FCHSD2: variants seen among roughly 807,000 people sequenced by gnomAD.
The protein encoded by FCHSD2 is FCH and double SH3 domains 2.
In FCHSD2, 38 loss-of-function variants were observed where a neutral mutation model predicts 108.1. That is an observed-to-expected ratio of 0.35 (90% CI 0.27 to 0.46). The LOEUF is 0.46. FCHSD2 is among the 20% of genes least tolerant of loss of function. The pLI, the probability that FCHSD2 is intolerant of heterozygous loss-of-function variation, is 1.00. For synonymous variants in FCHSD2, 279 were observed against 314.7 expected (o/e 0.89, Z 1.20); for missense variants, 751 against 897.8 (o/e 0.84, Z 2.09).
chr11:72,987,108 C>T (rs1171985011), intron 6 of FCHSD2, among the ~76,000 whole-genome samples: 4 of 152,168 alleles, frequency 2.6e-5, no homozygotes, highest in Admixed American at 2.6e-4. Flanking sequence ...AATTCATCAT[C>T]TCCTTCAAAT....
chr11:72,878,969 T>A (rs1855025092), intron 12 of FCHSD2, among the ~76,000 whole-genome samples: 1 of 151,660 alleles, frequency 6.6e-6, no homozygotes, highest in South Asian at 2.1e-4. Flanking sequence ...AATTAGCTGG[T>A]TTTGGTGGCG....
At chr11:72,842,520 T>G in intron 17 of FCHSD2, 101 bp downstream of exon 17, 1 of 1,423,292 alleles carries the variant, frequency 7.0e-7, no homozygotes, top group Non-Finnish European at 9.6e-7. Context: ...CCGGTGAGGG[T>G]AAGGCAGAGA....
At chr11:73,070,037 T>C (rs965305527) in intron 3 of FCHSD2, among the ~76,000 whole-genome samples, 8 of 152,026 alleles carry the variant, frequency 5.3e-5, no homozygotes, top group Non-Finnish European at 1.0e-4. Flanking sequence ...GTGGCGAAAG[T>C]AAAAAGGGAA....
intron 3 of FCHSD2, among the ~76,000 whole-genome samples, chr11:73,059,378 G>A (rs975625384): frequency 6.6e-6 from 1 of 151,922 alleles, no homozygotes; most frequent in African/African-American, 2.4e-5. Context: ...AGGTTTTCTA[G>A]GATTAAGAAG....
Position 73,047,098 on chromosome 11 carries a change from C to T in FCHSD2, c.166-31213G>A, listed in dbSNP as rs148554472. ...CAGAATAAATGTGAATATAATTCTA[C>T]TTTTTTATAAAGGAAAAACTACATA... On this transcript the variant is annotated intron_variant, in intron 3 of 19. Coordinates refer to ENST00000409418, the MANE Select transcript of FCHSD2 (RefSeq NM_014824.3). Among the ~76,000 whole-genome samples, 56 of 151,306 alleles carry T rather than the reference C, an allele frequency of 3.7e-4. No homozygotes were observed. In the East Asian group the frequency reaches 7.0e-3, roughly 19 times the overall value.
At chr11:73,050,286 C>T (rs1412829606) in intron 3 of FCHSD2, among the ~76,000 whole-genome samples, 1 of 152,154 alleles carries the variant, frequency 6.6e-6, no homozygotes, top group Non-Finnish European at 1.5e-5. Flanking sequence ...ACCATATGAC[C>T]TTCACACCAC....
rs541107949 is a variant in FCHSD2, at chr11:72,850,446, G to A, written c.1309-557C>T. Among the ~76,000 whole-genome samples the A allele has an allele frequency of 8.6e-5, 13 of 151,280 alleles. No individual in the cohort carries two copies. In the South Asian group the frequency reaches 2.1e-3, roughly 24 times the overall value. On this transcript the variant is annotated intron_variant, in intron 13 of 19. Transcript: ENST00000409418. Reference sequence around the variant, plus strand: ...GGCTTGAGTGTAGTGGCGTGATCTCGGCTCACTGCAAGCTCTGCCTCCTCA... The same window carrying A: ...GGCTTGAGTGTAGTGGCGTGATCTCAGCTCACTGCAAGCTCTGCCTCCTCA...
intron 3 of FCHSD2, among the ~76,000 whole-genome samples, chr11:73,038,760 T>C (rs1858560146): frequency 6.6e-6 from 1 of 152,180 alleles, no homozygotes; most frequent in Non-Finnish European, 1.5e-5. Flanking sequence ...ACCTGGGTGA[T>C]AGATTCATTC....
intron 2 of FCHSD2, 85 bp downstream of exon 2, chr11:73,139,946 C>A: frequency 2.9e-6 from 2 of 689,634 alleles, no homozygotes; most frequent in Non-Finnish European, 4.7e-6. Context: ...AAGGAAATTC[C>A]ATCATCAGTT....
intron 4 of FCHSD2, among the ~76,000 whole-genome samples, chr11:73,007,970 A>G (rs1176399166): frequency 6.6e-6 from 1 of 152,212 alleles, no homozygotes; most frequent in Non-Finnish European, 1.5e-5. Flanking sequence ...TGTTTAAGAT[A>G]TAACAAACAA....
intron 3 of FCHSD2, among the ~76,000 whole-genome samples, chr11:73,033,678 A>C (rs979004496): frequency 6.6e-6 from 1 of 152,226 alleles, no homozygotes; most frequent in African/African-American, 2.4e-5. Context: ...ATTCTATACA[A>C]ATTTATATAA....
At chr11:72,844,202 C>G (rs7127601) in intron 14 of FCHSD2, among the ~76,000 whole-genome samples, 151,967 of 152,278 alleles carry the variant, frequency 1, 75,829 homozygotes, top group Non-Finnish European at 1. Context: ...CAAAGGCAAA[C>G]GAGAAGGCAC....
At chr11:72,997,889 C>T (rs1305447280) in intron 5 of FCHSD2, among the ~76,000 whole-genome samples, 3 of 152,062 alleles carry the variant, frequency 2.0e-5, no homozygotes, top group African/African-American at 7.2e-5. Context: ...TTTGTAGAGA[C>T]GGGATTTCAC....
In FCHSD2 at chr11:72,840,967, A is replaced by G. The variant is rs2135149400; in HGVS notation, c.2057-8T>C. ...CAGCATGAAGGCTTTTTTCTAAGGG[A>G]GAAAACCAAAGAAGCTCATTTTACT... On this transcript the variant is annotated splice_region_variant and splice_polypyrimidine_tract_variant and intron_variant, in intron 18 of 19. Transcript: ENST00000409418. The G allele has an allele frequency of 1.2e-6, 2 of 1,601,668 alleles. No homozygotes were observed. Among genetic ancestry groups the G allele is most frequent in the East Asian group, 4.5e-5 (2 of 44,770 alleles).
At position 73,135,044 on chromosome 11, in the gene FCHSD2, G is replaced by A. The variant is rs768727616; in HGVS notation, c.119+4987C>T. Among the ~76,000 whole-genome samples, 13 of 152,316 alleles carry A rather than the reference G, an allele frequency of 8.5e-5. No homozygotes were observed. The East Asian group carries it at 9.6e-4, about 11-fold the overall frequency. On this transcript the variant is annotated intron_variant, in intron 2 of 19. Transcript: ENST00000409418. ...AATTTTTGTATTTTTAGTAGAGACA[G>A]GGTTTCACCATGTTGGCCAGGCTGG...
At chr11:72,999,629 A>G (rs1245944690) in intron 5 of FCHSD2, among the ~76,000 whole-genome samples, 2 of 152,014 alleles carry the variant, frequency 1.3e-5, no homozygotes, top group East Asian at 3.9e-4. Context: ...CTTATCAAAC[A>G]TTCTTTGCCC....
intron 9 of FCHSD2, among the ~76,000 whole-genome samples, chr11:72,903,184 AATTTATTTATTTATTTATTTATATATTT>A (rs1565314132): frequency 8.0e-6 from 1 of 124,704 alleles, no homozygotes; most frequent in African/African-American, 3.2e-5. Flanking sequence ...GCTAGAAAGG[AATTTATTTATTTATTTATTTATATATTT>A]ATTTATTTAT....
chr11:73,130,165 C>T (rs568579159), intron 2 of FCHSD2, among the ~76,000 whole-genome samples: 436 of 152,224 alleles, frequency 2.9e-3, no homozygotes, highest in Non-Finnish European at 4.7e-3. Flanking sequence ...TGAGCCACCG[C>T]GCCTGGCCCA....
intron 13 of FCHSD2, among the ~76,000 whole-genome samples, chr11:72,860,867 A>C (rs1314805398): frequency 1.3e-5 from 2 of 152,186 alleles, no homozygotes; most frequent in African/African-American, 4.8e-5. Flanking sequence ...GATAAAAATG[A>C]TGACACAACA....
Sources: allele counts gnomAD v4.1 joint callset (sites outside exome capture counted in the v4.1 genomes callset), GRCh38; gene constraint gnomAD v4.1.1; transcripts MANE v1.5; gene names NCBI Gene and HGNC (gene_info 2026-07-23, HGNC 2026-07-21).